The following PARD3 variants were observed in gnomAD, a reference collection of about 807,000 sequenced individuals.
PARD3 encodes partitioning defective 3 homolog.
A neutral mutation model predicts 155.4 loss-of-function variants in PARD3; 75 were observed. That is an observed-to-expected ratio of 0.48 (90% CI 0.40 to 0.58). The LOEUF is 0.58. PARD3 is among the 20% of genes least tolerant of loss of function. PARD3 has a pLI of 0.00. For synonymous variants in PARD3, 576 were observed against 610.5 expected (o/e 0.94, Z 0.83); for missense variants, 1,642 against 1,721.7 (o/e 0.95, Z 0.82).
intron 2 of PARD3, among the ~76,000 whole-genome samples, chr10:34,624,407 T>C (rs767758612): frequency 2.1e-4 from 32 of 152,212 alleles, no homozygotes; most frequent in Non-Finnish European, 2.2e-4. Flanking sequence ...CTAAGGGCAG[T>C]CTTTTCAGAC....
At chr10:34,140,114 G>A (rs550352959) in intron 22 of PARD3, among the ~76,000 whole-genome samples, 7 of 151,756 alleles carry the variant, frequency 4.6e-5, no homozygotes, top group Non-Finnish European at 8.8e-5. Context: ...TTTGTTTTTC[G>A]TTGTTTTTTT....
intron 2 of PARD3, among the ~76,000 whole-genome samples, chr10:34,555,693 A>T (rs547393227): frequency 2.0e-5 from 3 of 152,266 alleles, no homozygotes; most frequent in Non-Finnish European, 1.5e-5. Flanking sequence ...GTATCTTATA[A>T]GGTACCAGTT....
chr10:34,128,582 G>A (rs1285492816), intron 23 of PARD3, among the ~76,000 whole-genome samples: 1 of 152,138 alleles, frequency 6.6e-6, no homozygotes, highest in Non-Finnish European at 1.5e-5. Context: ...CTGATTGTGT[G>A]TGTGAGGAGG....
At chr10:34,768,391 C>CAGGACAACTCGAAGCAAAGGT (rs1838397115) in intron 1 of PARD3, among the ~76,000 whole-genome samples, 1 of 151,462 alleles carries the variant, frequency 6.6e-6, no homozygotes, top group African/African-American at 2.4e-5. Flanking sequence ...GAAGCAAAGG[C>CAGGACAACTCGAAGCAAAGGT]GGGACAACTC....
At chr10:34,419,709 T>C (rs779091667) in intron 5 of PARD3, among the ~76,000 whole-genome samples, 4 of 152,166 alleles carry the variant, frequency 2.6e-5, no homozygotes, top group African/African-American at 4.8e-5. Flanking sequence ...GTATATAAAA[T>C]ACAATATTTC....
intron 7 of PARD3, among the ~76,000 whole-genome samples, chr10:34,388,774 A>G (rs1056259098): frequency 3.3e-5 from 5 of 152,170 alleles, no homozygotes; most frequent in Non-Finnish European, 7.3e-5. Flanking sequence ...CCTAAGAAGA[A>G]ACCACTTTGC....
intron 21 of PARD3, among the ~76,000 whole-genome samples, chr10:34,275,584 CTT>C (rs754055055): frequency 1.8e-4 from 27 of 152,266 alleles, no homozygotes; most frequent in Non-Finnish European, 2.6e-4. Flanking sequence ...ATTTGAATGT[CTT>C]GTTACAAAGT....
chr10:34,261,027 A>G (rs530704421), intron 22 of PARD3, among the ~76,000 whole-genome samples: 1 of 152,286 alleles, frequency 6.6e-6, no homozygotes, highest in Admixed American at 6.5e-5. Context: ...TATGGTATTT[A>G]TGTTTCCATT....
intron 2 of PARD3, among the ~76,000 whole-genome samples, chr10:34,530,990 A>C (rs932246530): frequency 1.3e-5 from 2 of 152,226 alleles, no homozygotes; most frequent in Non-Finnish European, 2.9e-5. Context: ...ACAAAGTATC[A>C]ATAGAACAAT....
intron 17 of PARD3, 25 bp from the exon 18 acceptor site, chr10:34,336,268 G>C (rs1836174055): frequency 1.3e-5 from 20 of 1,584,362 alleles, no homozygotes; most frequent in Non-Finnish European, 1.5e-5. Flanking sequence ...ATGTATAATA[G>C]TTAGCCCAGT....
chr10:34,773,542 G>C (rs1311357492), intron 1 of PARD3, among the ~76,000 whole-genome samples: 1 of 152,184 alleles, frequency 6.6e-6, no homozygotes, highest in Admixed American at 6.5e-5. Flanking sequence ...CCAAATTGCT[G>C]TTCCGAGAAG....
chr10:34,702,217 T>A (rs1590725636), intron 1 of PARD3, among the ~76,000 whole-genome samples: 1 of 146,176 alleles, frequency 6.8e-6, no homozygotes. Context: ...AAGCCAGGCA[T>A]GATAGTGCAT....
intron 5 of PARD3, among the ~76,000 whole-genome samples, chr10:34,404,593 G>A (rs571385888): frequency 1.3e-5 from 2 of 151,798 alleles, no homozygotes; most frequent in African/African-American, 4.8e-5. Context: ...AGACAATACA[G>A]CCATTTGTTT....
intron 19 of PARD3, among the ~76,000 whole-genome samples, chr10:34,327,145 T>C (rs537769374): frequency 6.6e-6 from 1 of 152,176 alleles, no homozygotes; most frequent in Non-Finnish European, 1.5e-5. Context: ...GGAGGAGAAG[T>C]CGCTTGCTGA....
At chr10:34,183,009 G>T (rs1296521) in intron 22 of PARD3, among the ~76,000 whole-genome samples, 85,475 of 152,058 alleles carry the variant, frequency 0.56, 24,351 homozygotes, top group African/African-American at 0.64. Context: ...TGATAGAGAA[G>T]AAAGAAAGTA....
At chr10:34,703,985 A>G (rs538166952) in intron 1 of PARD3, among the ~76,000 whole-genome samples, 2 of 152,330 alleles carry the variant, frequency 1.3e-5, no homozygotes, top group Admixed American at 1.3e-4. Context: ...AAATAAGGCA[A>G]TAAACCATGA....
At chr10:34,812,108 C>T (rs1000687960) in intron 1 of PARD3, among the ~76,000 whole-genome samples, 5 of 152,218 alleles carry the variant, frequency 3.3e-5, no homozygotes, top group African/African-American at 1.2e-4. Flanking sequence ...TGACACTTCA[C>T]TATCCAGAAA....
At chr10:34,590,680 C>T (rs1158782420) in intron 2 of PARD3, among the ~76,000 whole-genome samples, 1 of 152,182 alleles carries the variant, frequency 6.6e-6, no homozygotes, top group Non-Finnish European at 1.5e-5. Context: ...CAACAATGAT[C>T]ACACTTAGGG....
intron 1 of PARD3, among the ~76,000 whole-genome samples, chr10:34,725,624 T>G (rs565929884): frequency 1.3e-5 from 2 of 152,178 alleles, no homozygotes; most frequent in Non-Finnish European, 2.9e-5. Context: ...CAATATCTAG[T>G]GTCAATCTAT....
Sources: allele counts gnomAD v4.1 joint callset (sites outside exome capture counted in the v4.1 genomes callset), GRCh38; gene constraint gnomAD v4.1.1; transcripts MANE v1.5; gene names NCBI Gene and HGNC (gene_info 2026-07-23, HGNC 2026-07-21).